The following MAF variants were observed in gnomAD, a reference collection of about 807,000 sequenced individuals.
MAF encodes transcription factor Maf.
MAF carries 10 observed loss-of-function variants against 22.0 expected under a neutral mutation model. That is an observed-to-expected ratio of 0.45 (90% CI 0.28 to 0.77). MAF has a LOEUF of 0.77. Among genes scored for constraint, MAF ranks in the 30% least tolerant of loss-of-function variants. The pLI is 0.12. For missense variants in MAF, 544 were observed against 548.4 expected (o/e 0.99, Z 0.08); for synonymous variants, 337 against 255.8 (o/e 1.32, Z -3.03).
chr16:79,410,667 A>G, the MAF span, among the ~76,000 whole-genome samples: 3 of 152,220 alleles, frequency 2.0e-5, no homozygotes, highest in African/African-American at 7.2e-5. Flanking sequence ...GGGCAAAGAA[A>G]AAAGAGTAGA....
chr16:79,369,782 C>A, the MAF span, among the ~76,000 whole-genome samples: 41 of 152,232 alleles, frequency 2.7e-4, no homozygotes, highest in Non-Finnish European at 4.6e-4. Context: ...CAAGGCTTGG[C>A]ATGCAGTGGC....
chr16:79,235,862 T>C, the MAF span, among the ~76,000 whole-genome samples: 3 of 152,010 alleles, frequency 2.0e-5, no homozygotes, highest in Non-Finnish European at 2.9e-5. Context: ...TCACTGATAG[T>C]GGAATTCAGA....
the MAF span, among the ~76,000 whole-genome samples, chr16:79,545,084 T>G: frequency 6.6e-6 from 1 of 152,152 alleles, no homozygotes; most frequent in Non-Finnish European, 1.5e-5. Flanking sequence ...CATGCATTTC[T>G]GTTGTTTGTT....
chr16:79,411,398 C>T, the MAF span, among the ~76,000 whole-genome samples: 4 of 152,168 alleles, frequency 2.6e-5, no homozygotes, highest in Non-Finnish European at 5.9e-5. Context: ...GCCCCATATC[C>T]ATCCCCTGAA....
chr16:79,464,448 A>C, the MAF span, among the ~76,000 whole-genome samples: 2 of 152,122 alleles, frequency 1.3e-5, no homozygotes, highest in Non-Finnish European at 2.9e-5. Flanking sequence ...ATGCTGTCCA[A>C]TCTTTGATTC....
At chr16:79,235,793 G>C in the MAF span, among the ~76,000 whole-genome samples, 1 of 151,980 alleles carries the variant, frequency 6.6e-6, no homozygotes, top group African/African-American at 2.4e-5. Flanking sequence ...TCACACCACA[G>C]GCACACCACT....
the MAF span, among the ~76,000 whole-genome samples, chr16:79,428,739 G>A: frequency 1.3e-5 from 2 of 152,140 alleles, no homozygotes; most frequent in South Asian, 4.2e-4. Context: ...TAGCTACTTG[G>A]GAGGCTGAGG....
chr16:79,242,501 T>C, the MAF span, among the ~76,000 whole-genome samples: 749 of 151,898 alleles, frequency 4.9e-3, 8 homozygotes, highest in African/African-American at 0.017. Flanking sequence ...CAAGAAGAGA[T>C]AACTATCCTA....
chr16:79,528,227 T>A, the MAF span, among the ~76,000 whole-genome samples: 18 of 152,188 alleles, frequency 1.2e-4, no homozygotes, highest in Admixed American at 1.2e-3. Context: ...CCTCTTTAGT[T>A]TCTTGGCCAT....
the MAF span, among the ~76,000 whole-genome samples, chr16:79,227,578 A>G: frequency 3.9e-5 from 6 of 152,114 alleles, no homozygotes; most frequent in South Asian, 2.1e-4. Flanking sequence ...TTGAACATTC[A>G]TGCCCAGATT....
At chr16:79,552,299 G>A in the MAF span, among the ~76,000 whole-genome samples, 10 of 151,586 alleles carry the variant, frequency 6.6e-5, no homozygotes, top group African/African-American at 1.2e-4. Context: ...CCGAAGCCTC[G>A]AACTCCTGGG....
the MAF span, among the ~76,000 whole-genome samples, chr16:79,544,178 G>C: frequency 2.0e-5 from 3 of 152,198 alleles, no homozygotes; most frequent in African/African-American, 7.2e-5. Context: ...ACTAAAATAA[G>C]AGGAGCAACT....
At chr16:79,392,342 A>G in the MAF span, among the ~76,000 whole-genome samples, 2 of 147,610 alleles carry the variant, frequency 1.4e-5, no homozygotes, top group Non-Finnish European at 3.0e-5. Context: ...GAGGAGAGAG[A>G]AGGAAGGAGG....
the MAF span, among the ~76,000 whole-genome samples, chr16:79,567,282 C>G: frequency 6.6e-6 from 1 of 151,794 alleles, no homozygotes; most frequent in Non-Finnish European, 1.5e-5. Flanking sequence ...CGTGCCATTG[C>G]ACTGTAGCCT....
the MAF span, among the ~76,000 whole-genome samples, chr16:79,510,311 C>G: frequency 6.6e-6 from 1 of 152,200 alleles, no homozygotes; most frequent in Non-Finnish European, 1.5e-5. Flanking sequence ...AATGAGGACA[C>G]TAGAAGAGAG....
chr16:79,361,482 C>A, the MAF span, among the ~76,000 whole-genome samples: 28 of 152,142 alleles, frequency 1.8e-4, no homozygotes, highest in Admixed American at 7.9e-4. Flanking sequence ...AGCAGGTTAA[C>A]CTCTAACATT....
At chr16:79,551,826 G>A in the MAF span, among the ~76,000 whole-genome samples, 1 of 152,150 alleles carries the variant, frequency 6.6e-6, no homozygotes, top group Admixed American at 6.5e-5. Flanking sequence ...GAGTAGCTGA[G>A]TAGCTTGAGT....
At chr16:79,556,779 C>T in the MAF span, among the ~76,000 whole-genome samples, 1 of 152,126 alleles carries the variant, frequency 6.6e-6, no homozygotes, top group Non-Finnish European at 1.5e-5. Flanking sequence ...GTTAGGTAAT[C>T]TATCTATGCC....
the MAF span, among the ~76,000 whole-genome samples, chr16:79,465,289 A>G: frequency 6.6e-6 from 1 of 152,196 alleles, no homozygotes; most frequent in African/African-American, 2.4e-5. Flanking sequence ...ATGGCAGAGT[A>G]GGTCTTAAAA....
Sources: allele counts gnomAD v4.1 joint callset (sites outside exome capture counted in the v4.1 genomes callset), GRCh38; gene constraint gnomAD v4.1.1; transcripts MANE v1.5; gene names NCBI Gene and HGNC (gene_info 2026-07-23, HGNC 2026-07-21).